The following AUH variants were observed in gnomAD, a reference collection of about 807,000 sequenced individuals.
AUH encodes methylglutaconyl-CoA hydratase, mitochondrial.
A neutral mutation model predicts 42.3 loss-of-function variants in AUH; 29 were observed. The observed-to-expected ratio is 0.69, with a 90% CI of 0.51 to 0.93. The LOEUF (loss-of-function observed/expected upper bound fraction) is 0.93. Among genes scored for constraint, AUH ranks in the 40% least tolerant of loss-of-function variants. AUH has a pLI of 0.00. For synonymous variants in AUH, 174 were observed against 166.4 expected (o/e 1.05, Z -0.35); for missense variants, 452 against 438.1 (o/e 1.03, Z -0.28).
chr9:91,219,051 G>T (rs1463786407), intron 7 of AUH: 1 of 985,002 alleles, frequency 1.0e-6, no homozygotes, highest in Non-Finnish European at 1.2e-6. Context: ...TGTGATGACG[G>T]CTGGGTAACC....
chr9:91,336,389 G>A (rs899748137), intron 3 of AUH, among the ~76,000 whole-genome samples: 3 of 152,086 alleles, frequency 2.0e-5, no homozygotes, highest in Non-Finnish European at 4.4e-5. Context: ...CAACACTTTG[G>A]GAGGCCAAGG....
chr9:91,296,845 T>C (rs887652660), intron 5 of AUH, among the ~76,000 whole-genome samples: 11 of 152,236 alleles, frequency 7.2e-5, no homozygotes, highest in African/African-American at 2.7e-4. Context: ...TGACGCTACA[T>C]TGTTCTAAAA....
chr9:91,297,416 A>C (rs1827434546), intron 5 of AUH, among the ~76,000 whole-genome samples: 1 of 152,158 alleles, frequency 6.6e-6, no homozygotes, highest in East Asian at 1.9e-4. Flanking sequence ...AGTGGACTTC[A>C]AGGAGATTCA....
chr9:91,261,966 C>T (rs961591199), intron 6 of AUH, among the ~76,000 whole-genome samples: 10 of 152,108 alleles, frequency 6.6e-5, no homozygotes, highest in African/African-American at 2.2e-4. Context: ...TAAGCAGGCA[C>T]CTTTCTCTTG....
intron 6 of AUH, among the ~76,000 whole-genome samples, chr9:91,253,048 A>C (rs1221875540): frequency 6.6e-6 from 1 of 152,204 alleles, no homozygotes. Flanking sequence ...CAATTTCTTA[A>C]ACAAAGCCCT....
chr9:91,295,959 C>T lies in AUH; in HGVS notation c.655+62G>A, dbSNP rs551406563. 9.6e-6 allele frequency: 15 copies of T among 1,566,716 alleles called. No individual in the cohort carries two copies. The East Asian group carries it at 2.9e-4, about 31-fold the overall frequency. On this transcript the variant is annotated intron_variant, in intron 6 of 9. Coordinates refer to ENST00000375731, the MANE Select transcript of AUH (RefSeq NM_001698.3). ...TGCCTTTCCAATTAACATGATTTTG[C>T]CTTATGCCCTGTTTCTAGGACCAAA...
intron 6 of AUH, among the ~76,000 whole-genome samples, chr9:91,287,178 C>T (rs1826482620): frequency 6.6e-6 from 1 of 151,932 alleles, no homozygotes. Context: ...TCATGCAACC[C>T]CAATAGGATG....
intron 4 of AUH, among the ~76,000 whole-genome samples, chr9:91,312,221 A>G (rs1416478082): frequency 6.6e-6 from 1 of 152,238 alleles, no homozygotes; most frequent in Non-Finnish European, 1.5e-5. Flanking sequence ...CTTTCATTAA[A>G]AACACACAGA....
chr9:91,294,553 A>C, intron 6 of AUH: 1 of 365,366 alleles, frequency 2.7e-6, no homozygotes, highest in Non-Finnish European at 5.4e-6. Context: ...TCTCAAAAAA[A>C]CAAAACAAAA....
chr9:91,305,683 C>A (rs774443579), intron 4 of AUH, among the ~76,000 whole-genome samples: 1 of 152,206 alleles, frequency 6.6e-6, no homozygotes, highest in Non-Finnish European at 1.5e-5. Context: ...TGTGTGGCCA[C>A]TGTCCTAAGA....
At chr9:91,231,723 A>C (rs1827894353) in intron 6 of AUH, among the ~76,000 whole-genome samples, 1 of 152,078 alleles carries the variant, frequency 6.6e-6, no homozygotes, top group African/African-American at 2.4e-5. Flanking sequence ...ATTCAAACTC[A>C]CACTGTCCAT....
chr9:91,354,298 C>CA (rs1217528433), intron 3 of AUH, among the ~76,000 whole-genome samples: 2 of 152,078 alleles, frequency 1.3e-5, no homozygotes, highest in Non-Finnish European at 2.9e-5. Flanking sequence ...CTTTTGTTGA[C>CA]AAAATACAGT....
At chr9:91,267,227 A>G (rs1320409047) in intron 6 of AUH, among the ~76,000 whole-genome samples, 1 of 152,204 alleles carries the variant, frequency 6.6e-6, no homozygotes, top group Non-Finnish European at 1.5e-5. Flanking sequence ...GGTAACAAAT[A>G]TAATGTCTTT....
rs1288628364 is a variant in AUH at position 91,220,806 on chromosome 9, T to G, written c.842A>C (p.Gln281Pro). ...ATAAACTCATTTAATGAGAAATACC[T>G]GAGGTAAAAACTCTCTCGCCAGGTC... ...ALDLAREFLP[Q>P]GPVAMRVAKL... Residue 281 changes from glutamine (Q) to proline (P), a missense_variant and splice_region_variant, in exon 7 of 10, where the codon CAG (glutamine) becomes CCG (proline). Gln to Pro is a moderately conservative substitution (Grantham distance 76). Coordinates refer to ENST00000375731, the MANE Select transcript of AUH (RefSeq NM_001698.3). The G allele has an allele frequency of 6.2e-7, 1 of 1,614,128 alleles. No individual in the cohort carries two copies. Among genetic ancestry groups the G allele is most frequent in the Non-Finnish European group, 8.5e-7 (1 of 1,180,030 alleles).
At chr9:91,309,449 T>C (rs938456792) in intron 4 of AUH, among the ~76,000 whole-genome samples, 2 of 152,198 alleles carry the variant, frequency 1.3e-5, no homozygotes, top group African/African-American at 2.4e-5. Flanking sequence ...CTTCCTAATG[T>C]GGTATATATA....
intron 3 of AUH, among the ~76,000 whole-genome samples, chr9:91,337,489 TAAGC>T (rs1406009238): frequency 6.6e-6 from 1 of 152,172 alleles, no homozygotes; most frequent in Non-Finnish European, 1.5e-5. Flanking sequence ...TCCACTCCCC[TAAGC>T]AATCAAATCA....
intron 4 of AUH, among the ~76,000 whole-genome samples, chr9:91,315,969 A>C (rs1829125545): frequency 6.6e-6 from 1 of 152,250 alleles, no homozygotes; most frequent in South Asian, 2.1e-4. Flanking sequence ...CTTTCAAATC[A>C]ACATTGTGTT....
chr9:91,243,167 G>A (rs1399382640), intron 6 of AUH, among the ~76,000 whole-genome samples: 1 of 152,148 alleles, frequency 6.6e-6, no homozygotes, highest in Non-Finnish European at 1.5e-5. Flanking sequence ...GTAAATCAGT[G>A]GTGGATTAGC....
At chr9:91,279,695 C>T (rs574311457) in intron 6 of AUH, among the ~76,000 whole-genome samples, 1 of 152,182 alleles carries the variant, frequency 6.6e-6, no homozygotes, top group Non-Finnish European at 1.5e-5. Flanking sequence ...TCTGCCCCAA[C>T]GATCCAGTCA....
Sources: allele counts gnomAD v4.1 joint callset (sites outside exome capture counted in the v4.1 genomes callset), GRCh38; gene constraint gnomAD v4.1.1; transcripts MANE v1.5; gene names NCBI Gene and HGNC (gene_info 2026-07-23, HGNC 2026-07-21).